Variants in ME1 observed in about 807,000 individuals in gnomAD.
ME1 encodes malic enzyme 1.
ME1 carries 74 observed loss-of-function variants against 66.4 expected under a neutral mutation model. The observed-to-expected ratio is 1.11, with a 90% confidence interval of 0.92 to 1.35. The LOEUF (loss-of-function observed/expected upper bound fraction) is 1.35. ME1 is among the 40% of genes most tolerant of loss of function. The pLI is 0.00. For synonymous variants in ME1, 251 were observed against 235.6 expected (o/e 1.07, Z -0.60); for missense variants, 750 against 694.1 (o/e 1.08, Z -0.90).
At chr6:83,359,063 G>A (rs1193314662) in intron 3 of ME1, among the ~76,000 whole-genome samples, 4 of 151,442 alleles carry the variant, frequency 2.6e-5, no homozygotes, top group Admixed American at 6.6e-5. Context: ...TGGGCAGAGG[G>A]GCACATCACT....
rs539851456 is a variant in ME1, at chr6:83,279,013, A to T, written c.705-25275T>A. Among the ~76,000 whole-genome samples the T allele has an allele frequency of 6.6e-5, 10 of 152,224 alleles. No individual in the cohort carries two copies. In the East Asian group the frequency reaches 1.5e-3, roughly 24 times the overall value. On this transcript the variant is annotated intron_variant, in intron 6 of 13. Coordinates refer to ENST00000369705, the MANE Select transcript of ME1 (RefSeq NM_002395.6). Reference sequence around the variant, plus strand: ...AAACAACCCCTTCCCCCCCAACCCTATCACTGCCCCAACAGGGCTCTGGTA... The same window carrying T: ...AAACAACCCCTTCCCCCCCAACCCTTTCACTGCCCCAACAGGGCTCTGGTA...
chr6:83,250,078 G>T (rs982090069), intron 7 of ME1, among the ~76,000 whole-genome samples: 2 of 152,078 alleles, frequency 1.3e-5, no homozygotes, highest in Non-Finnish European at 2.9e-5. Flanking sequence ...TACATTTACA[G>T]TATTAATTTC....
At chr6:83,382,884 A>G (rs1422138522) in intron 3 of ME1, among the ~76,000 whole-genome samples, 1 of 150,974 alleles carries the variant, frequency 6.6e-6, no homozygotes, top group Non-Finnish European at 1.5e-5. Context: ...AACATTCTAA[A>G]TGTTTCCATG....
rs147765164 is a variant in ME1 at position 83,380,602 on chromosome 6, G to T, written c.362+17765C>A. On this transcript the variant is annotated intron_variant, in intron 3 of 13. Transcript: ENST00000369705. ...AGGGAAAGGAAGGGGAAAAAATCCT[G>T]ATTATCTCTGAGGTGTTTGCTTTAG... Among the ~76,000 whole-genome samples the T allele has an allele frequency of 1.6e-3, 237 of 152,152 alleles. 4 individuals are homozygous for T. The highest frequency in any genetic ancestry group is 0.014 in the Middle Eastern group (4 of 294).
intron 3 of ME1, among the ~76,000 whole-genome samples, chr6:83,379,811 T>G (rs1769362402): frequency 6.6e-6 from 1 of 152,116 alleles, no homozygotes; most frequent in Non-Finnish European, 1.5e-5. Context: ...TAAGAAAGAA[T>G]TTGATATTTG....
At chr6:83,409,752 A>C (rs1256448506) in intron 1 of ME1, among the ~76,000 whole-genome samples, 3 of 152,164 alleles carry the variant, frequency 2.0e-5, no homozygotes, top group African/African-American at 7.2e-5. Context: ...AGCAGTGCAC[A>C]ACCTTCAATT....
intron 6 of ME1, among the ~76,000 whole-genome samples, chr6:83,307,191 CTAAT>C (rs1450368246): frequency 1.3e-5 from 2 of 151,646 alleles, no homozygotes; most frequent in East Asian, 3.9e-4. Context: ...CTTTAGATTT[CTAAT>C]TCTTTCATGA....
chr6:83,370,521 T>G (rs1488736090), intron 3 of ME1, among the ~76,000 whole-genome samples: 1 of 152,140 alleles, frequency 6.6e-6, no homozygotes, highest in Non-Finnish European at 1.5e-5. Context: ...TAAACTCCTA[T>G]GCATAAAAAG....
At chr6:83,373,101 T>C (rs1769223418) in intron 3 of ME1, among the ~76,000 whole-genome samples, 2 of 152,260 alleles carry the variant, frequency 1.3e-5, no homozygotes, top group Admixed American at 6.5e-5. Flanking sequence ...GATAACACTT[T>C]ATTAAATTCG....
chr6:83,268,778 G>A (rs1583348875), intron 6 of ME1, among the ~76,000 whole-genome samples: 1 of 139,614 alleles, frequency 7.2e-6, no homozygotes, highest in Middle Eastern at 3.7e-3. Flanking sequence ...TTTTGGTAGA[G>A]ATGGGGTTTC....
At chr6:83,233,307 T>G (rs1284295033) in intron 9 of ME1, among the ~76,000 whole-genome samples, 2 of 152,112 alleles carry the variant, frequency 1.3e-5, no homozygotes, top group Non-Finnish European at 2.9e-5. Context: ...AATTAATATA[T>G]AAATTATTTT....
intron 6 of ME1, among the ~76,000 whole-genome samples, chr6:83,288,553 T>C (rs1767440632): frequency 6.6e-6 from 1 of 152,202 alleles, no homozygotes; most frequent in African/African-American, 2.4e-5. Context: ...TTTTGGTTAT[T>C]GTAGCCTTGT....
chr6:83,328,239 T>G (rs1017654901), intron 5 of ME1, among the ~76,000 whole-genome samples: 17 of 152,106 alleles, frequency 1.1e-4, no homozygotes, highest in Non-Finnish European at 2.1e-4. Flanking sequence ...CACCGCATGT[T>G]CTCACTCATA....
Position 83,223,923 on chromosome 6 carries a change from A to G in ME1, c.1286T>C (p.Ile429Thr). ...ATCAAAAGGACTGCCACTGGCAAAA[A>G]TTGCACGTCCCTACAACAAAGACAC... ...QCYKITKGRA[I>T]FASGSPFDPV... is the part of the protein sequence containing the mutation. The change falls in exon 12 of 14, where the codon ATT (isoleucine) becomes ACT (threonine). Residue 429 changes from isoleucine to threonine, a missense_variant. Ile to Thr is a moderately conservative substitution (Grantham distance 89). Coordinates refer to ENST00000369705, the MANE Select transcript of ME1 (RefSeq NM_002395.6). 1 of 1,613,890 alleles carries G rather than the reference A, an allele frequency of 6.2e-7. No individual in the cohort carries two copies. Among genetic ancestry groups the G allele is most frequent in the South Asian group, 1.1e-5 (1 of 91,034 alleles).
At chr6:83,239,072 T>A (rs1240850906) in intron 8 of ME1, among the ~76,000 whole-genome samples, 3 of 151,770 alleles carry the variant, frequency 2.0e-5, no homozygotes, top group African/African-American at 7.2e-5. Context: ...ACAGTAATAA[T>A]ATACTACAAA....
At chr6:83,298,117 A>G (rs545555395) in intron 6 of ME1, among the ~76,000 whole-genome samples, 1 of 152,196 alleles carries the variant, frequency 6.6e-6, no homozygotes, top group Non-Finnish European at 1.5e-5. Context: ...TTCTGGTTCT[A>G]TATCTTTGAG....
chr6:83,407,663 C>A (rs571622142), intron 2 of ME1, 105 bp downstream of exon 2: 2 of 1,168,918 alleles, frequency 1.7e-6, no homozygotes, highest in South Asian at 4.0e-5. Context: ...TCAAAGTTGG[C>A]TACCCTTTCC....
At chr6:83,252,106 C>T (rs186062041) in intron 7 of ME1, among the ~76,000 whole-genome samples, 83 of 152,208 alleles carry the variant, frequency 5.5e-4, no homozygotes, top group African/African-American at 2.0e-3. Flanking sequence ...TAGTGATAGA[C>T]TGTATTTGGT....
chr6:83,221,712 T>C (rs952384248), intron 12 of ME1, among the ~76,000 whole-genome samples: 10 of 150,608 alleles, frequency 6.6e-5, no homozygotes, highest in African/African-American at 2.5e-4. Flanking sequence ...ATGAAGATAA[T>C]AGAAATGAAT....
Sources: gnomAD v4.1 joint callset for allele counts (sites outside exome capture counted in the v4.1 genomes callset) on GRCh38, gnomAD v4.1.1 for gene constraint, MANE v1.5 for transcripts, NCBI Gene and HGNC (gene_info 2026-07-23, HGNC 2026-07-21) for gene names.